UHRF1: variants seen among roughly 807,000 people sequenced by gnomAD.
The protein encoded by UHRF1 is E3 ubiquitin-protein ligase UHRF1.
Under a neutral mutation model 96.5 loss-of-function variants are expected in UHRF1, and 9 were observed. The observed-to-expected ratio is 0.09, with a 90% CI of 0.06 to 0.16. The LOEUF (loss-of-function observed/expected upper bound fraction) is 0.16. Among genes scored for constraint, UHRF1 ranks in the 10% least tolerant of loss-of-function variants. The probability of loss-of-function intolerance (pLI) is 1.00; values close to 1 mark genes in which losing one functional copy is unlikely to be tolerated. For missense variants in UHRF1, 626 were observed against 1,131.1 expected (o/e 0.55, Z 6.40); for synonymous variants, 455 against 469.9 (o/e 0.97, Z 0.41).
intron 2 of UHRF1, among the ~76,000 whole-genome samples, chr19:4,923,179 G>A (rs1456749253): frequency 1.3e-5 from 2 of 152,150 alleles, no homozygotes; most frequent in East Asian, 1.9e-4. Context: ...TAACTCTGCC[G>A]CCTTGGCTTC....
At chr19:4,923,973 TTC>T (rs200448407) in intron 2 of UHRF1, among the ~76,000 whole-genome samples, 1 of 151,186 alleles carries the variant, frequency 6.6e-6, no homozygotes, top group African/African-American at 2.4e-5. Flanking sequence ...GGCACTTGAC[TTC>T]TCTCTTTTTA....
At chr19:4,955,780 T>C (rs2033842076) in intron 15 of UHRF1, among the ~76,000 whole-genome samples, 1 of 152,060 alleles carries the variant, frequency 6.6e-6, no homozygotes. Flanking sequence ...TCAGTATGCA[T>C]TGTGTCAGTG....
chr19:4,955,076 C>T (rs2033821225), intron 15 of UHRF1, among the ~76,000 whole-genome samples: 2 of 152,044 alleles, frequency 1.3e-5, no homozygotes, highest in Admixed American at 6.6e-5. Context: ...CCGGCAACTG[C>T]TCCCCAGCCC....
At chr19:4,915,796 T>G (rs1480683383) in intron 2 of UHRF1, among the ~76,000 whole-genome samples, 1 of 152,202 alleles carries the variant, frequency 6.6e-6, no homozygotes, top group Non-Finnish European at 1.5e-5. Flanking sequence ...TCAATTAGAT[T>G]GCATACTTTA....
intron 13 of UHRF1, among the ~76,000 whole-genome samples, chr19:4,953,814 G>C (rs928909743): frequency 6.6e-6 from 1 of 152,172 alleles, no homozygotes; most frequent in Admixed American, 6.5e-5. Flanking sequence ...GGATGACTGA[G>C]GCAGGTGGAT....
At chr19:4,916,018 T>C (rs1751762204) in intron 2 of UHRF1, among the ~76,000 whole-genome samples, 2 of 152,080 alleles carry the variant, frequency 1.3e-5, no homozygotes, top group South Asian at 4.2e-4. Flanking sequence ...GTTAGTGTGT[T>C]AGAAGTTGAG....
At chr19:4,955,258 A>G (rs1255068362) in intron 15 of UHRF1, among the ~76,000 whole-genome samples, 1 of 152,162 alleles carries the variant, frequency 6.6e-6, no homozygotes, top group Admixed American at 6.5e-5. Context: ...GGGCAGGGAT[A>G]GGGCTGGGCC....
chr19:4,942,026 G>A, intron 7 of UHRF1, 95 bp downstream of exon 7: 1 of 1,319,412 alleles, frequency 7.6e-7, no homozygotes. Flanking sequence ...GCAGGCGCGG[G>A]GGCTCACGCC....
At chr19:4,928,934 T>G (rs10402485) in intron 2 of UHRF1, among the ~76,000 whole-genome samples, 2 of 152,190 alleles carry the variant, frequency 1.3e-5, no homozygotes, top group African/African-American at 2.4e-5. Flanking sequence ...AAGACCCCCA[T>G]GTGTGCGTGG....
chr19:4,911,944 T>G (rs538955526), intron 2 of UHRF1, among the ~76,000 whole-genome samples: 1 of 152,166 alleles, frequency 6.6e-6, no homozygotes, highest in Non-Finnish European at 1.5e-5. Context: ...TGTTGGATTT[T>G]GAACCGGGTA....
chr19:4,951,128 T>C, intron 13 of UHRF1, 132 bp downstream of exon 13: 1 of 1,244,734 alleles, frequency 8.0e-7, no homozygotes, highest in South Asian at 1.6e-5. Flanking sequence ...TAGCTGGGTA[T>C]GGTGGCGGGT....
intron 13 of UHRF1, among the ~76,000 whole-genome samples, chr19:4,952,294 A>G (rs925156213): frequency 6.6e-6 from 1 of 150,540 alleles, no homozygotes; most frequent in South Asian, 2.1e-4. Flanking sequence ...GGGTTTCACC[A>G]TGTTGGTCAG....
At chr19:4,940,536 C>A (rs1467119621) in intron 5 of UHRF1, among the ~76,000 whole-genome samples, 1 of 146,976 alleles carries the variant, frequency 6.8e-6, no homozygotes, top group East Asian at 2.0e-4. Context: ...CCAGCTAATT[C>A]TTGTATTCTT....
chr19:4,951,016 T>C lies in UHRF1; in HGVS notation c.1818+20T>C. On this transcript the variant is annotated intron_variant, in intron 13 of 16. Coordinates refer to ENST00000650932, the MANE Select transcript of UHRF1 (RefSeq NM_001048201.3). ...ATGCAGGTGTGTCTGGGATGGGGGA[T>C]GGCACTTTGGGAGGCCAAGGCGGAT... 1.3e-6 allele frequency: 2 copies of C among 1,583,688 alleles called. No homozygotes were observed. The highest frequency in any genetic ancestry group is 1.7e-6 in the Non-Finnish European group (2 of 1,166,886).
chr19:4,914,092 C>G (rs1370337875), intron 2 of UHRF1, among the ~76,000 whole-genome samples: 1 of 152,030 alleles, frequency 6.6e-6, no homozygotes, highest in East Asian at 1.9e-4. Flanking sequence ...TCCCAAAGTG[C>G]TGGGATTAGA....
At chr19:4,940,222 C>T (rs181407699) in intron 5 of UHRF1, among the ~76,000 whole-genome samples, 3 of 152,040 alleles carry the variant, frequency 2.0e-5, no homozygotes, top group Admixed American at 2.0e-4. Context: ...GAATTACATA[C>T]ACAGCGTGTG....
chr19:4,910,756 C>G (rs2032235574), intron 1 of UHRF1, 120 bp from the exon 2 acceptor site: 4 of 1,250,194 alleles, frequency 3.2e-6, no homozygotes, highest in Middle Eastern at 2.0e-4. Flanking sequence ...ACTGGAAGGG[C>G]ATCCTGGGAG....
chr19:4,937,882 G>A (rs1242500491), intron 5 of UHRF1, among the ~76,000 whole-genome samples: 1 of 152,160 alleles, frequency 6.6e-6, no homozygotes, highest in Non-Finnish European at 1.5e-5. Flanking sequence ...TGGGTGCAGT[G>A]GCCGATGCCT....
At position 4,930,983 on chromosome 19, in the gene UHRF1, G is replaced by A; in HGVS notation, c.569+107G>A. ...TGGCACTGTCTCGAGATGGTGATCAGGATCTGGGGCCCCATCCTCGAATTC... is the reference window on the plus strand; with the variant it reads ...TGGCACTGTCTCGAGATGGTGATCAAGATCTGGGGCCCCATCCTCGAATTC... On this transcript the variant is annotated intron_variant, in intron 4 of 16. Transcript: ENST00000650932. The surrounding 1 kb of genome is among the most constrained non-coding windows in gnomAD (Gnocchi z 4.4). The A allele has an allele frequency of 1.3e-6, 2 of 1,493,042 alleles. No homozygotes were observed. Among genetic ancestry groups the A allele is most frequent in the East Asian group, 2.3e-5 (1 of 43,876 alleles). The allele number at this position is 1,493,042 out of a possible 1,614,324, so 92.5% of individuals were successfully genotyped here.
Sources: allele counts gnomAD v4.1 joint callset (sites outside exome capture counted in the v4.1 genomes callset), GRCh38; gene constraint gnomAD v4.1.1; non-coding constraint Gnocchi (gnomAD v3.1); transcripts MANE v1.5; gene names NCBI Gene and HGNC (gene_info 2026-07-23, HGNC 2026-07-21).